The following NSD2 variants were observed in gnomAD, a reference collection of about 807,000 sequenced individuals.
The protein encoded by NSD2 is nuclear receptor binding SET domain protein 2, also known as histone-lysine N-methyltransferase NSD2.
Under a neutral mutation model 139.0 loss-of-function variants are expected in NSD2, and 12 were observed. The ratio of observed to expected loss-of-function variants is 0.09; its 90% CI spans 0.06 to 0.14. The LOEUF is 0.14. NSD2 is among the 10% of genes least tolerant of loss of function. The pLI is 1.00. For missense variants in NSD2, 1,155 were observed against 1,745.0 expected (o/e 0.66, Z 6.02); for synonymous variants, 669 against 648.7 (o/e 1.03, Z -0.48).
chr4:1,898,658 T>TAAAAA (rs967880779), intron 1 of NSD2, among the ~76,000 whole-genome samples: 3 of 119,288 alleles, frequency 2.5e-5, no homozygotes, highest in South Asian at 2.6e-4. Flanking sequence ...AGACTCCGTC[T>TAAAAA]AAAAAAAAAA....
chr4:1,945,468 T>G, intron 9 of NSD2: 1 of 1,063,540 alleles, frequency 9.4e-7, no homozygotes, highest in Non-Finnish European at 1.1e-6. Flanking sequence ...AAAAGAAAAC[T>G]AAGATTATAA....
In NSD2 at chr4:1,978,802, G is replaced by T; in HGVS notation, c.3991G>T (p.Ala1331Ser). 1 of 1,612,378 alleles carries T rather than the reference G, an allele frequency of 6.2e-7. No individual in the cohort carries two copies. Among genetic ancestry groups the T allele is most frequent in the Non-Finnish European group, 8.5e-7 (1 of 1,178,782 alleles). Residue 1331 changes from alanine (A) to serine (S), a missense_variant, in exon 22 of 22, where the codon GCA (alanine) becomes TCA (serine). Transcript: ENST00000508803. ...SYCCEHDLGA[A>S]SVRSTKTEKP... ...CTGCTGTGAGCATGACTTAGGGGCG[G>T]CATCGGTCAGAAGCACCAAGACTGA...
chr4:1,921,884 C>T (rs1720188576), intron 5 of NSD2, among the ~76,000 whole-genome samples: 1 of 151,792 alleles, frequency 6.6e-6, no homozygotes, highest in Non-Finnish European at 1.5e-5. Flanking sequence ...CGCGGTGGCT[C>T]ACGCCTGTAA....
intron 6 of NSD2, among the ~76,000 whole-genome samples, chr4:1,931,687 A>T (rs1005740093): frequency 1.3e-5 from 2 of 152,238 alleles, no homozygotes; most frequent in East Asian, 3.9e-4. Flanking sequence ...AGATGTTTTC[A>T]TCTTGATTTA....
At position 1,974,595 on chromosome 4, in the gene NSD2, G is replaced by A. The variant is rs762964466; in HGVS notation, c.3373-268G>A. On this transcript the variant is annotated intron_variant, in intron 18 of 21. Coordinates refer to ENST00000508803, the MANE Select transcript of NSD2 (RefSeq NM_001042424.3). This position sits in a 1 kb window ranked among gnomAD's most constrained non-coding sequence, Gnocchi z 4.0. Reference sequence around the variant, plus strand: ...CTTAGCTCCCTTGTTTGCCATCATGGAGGATGCTGGGAGCTCCAGCTCCCT... The same window carrying A: ...CTTAGCTCCCTTGTTTGCCATCATGAAGGATGCTGGGAGCTCCAGCTCCCT... 13 of 586,848 alleles carry A rather than the reference G, an allele frequency of 2.2e-5. No individual in the cohort carries two copies. In the Admixed American group the frequency reaches 2.7e-4, roughly 12 times the overall value. The allele number at this position is 586,848 out of a possible 1,614,324, so 36.4% of individuals were successfully genotyped here.
At position 1,961,073 on chromosome 4, in the gene NSD2, C is replaced by T. The variant is rs1172121091; in HGVS notation, c.3294C>T (p.Asp1098=). The change falls in exon 18 of 22, where the codon GAC becomes GAT. Residue 1098 remains aspartate, a synonymous_variant. Transcript: ENST00000508803. ...FVNEYVGELI[D]EEECMARIKH... ...ACGAGTACGTTGGGGAGCTGATCGA[C>T]GAGGAGGAGTGCATGGCGAGAATCA... The T allele has an allele frequency of 4.3e-6, 7 of 1,613,612 alleles. No individual in the cohort carries two copies. In the East Asian group the frequency reaches 6.7e-5, roughly 15 times the overall value.
At chr4:1,940,721 T>C in intron 9 of NSD2, 3 of 1,061,066 alleles carry the variant, frequency 2.8e-6, no homozygotes, top group South Asian at 9.1e-5. Flanking sequence ...CCCTTACTCT[T>C]GCTGAGTCAG....
chr4:1,953,631 A>T (rs1050560958), intron 12 of NSD2, 107 bp downstream of exon 12: 1 of 1,379,738 alleles, frequency 7.2e-7, no homozygotes, highest in African/African-American at 1.4e-5. Context: ...AAAGAGCATT[A>T]ATTATCTTGA....
At chr4:1,952,914 C>T (rs902968187) in intron 11 of NSD2, 2 of 1,402,888 alleles carry the variant, frequency 1.4e-6, no homozygotes, top group Admixed American at 6.0e-5. Context: ...CCATGGCAGC[C>T]CCACAGCAGC....
chr4:1,903,079 G>GA (rs1208546448), intron 2 of NSD2, among the ~76,000 whole-genome samples: 1 of 152,158 alleles, frequency 6.6e-6, no homozygotes, highest in African/African-American at 2.4e-5. Context: ...GCTGAGATGG[G>GA]AGGATCAAAA....
intron 1 of NSD2, among the ~76,000 whole-genome samples, chr4:1,894,787 G>T (rs1175600576): frequency 3.3e-5 from 5 of 152,040 alleles, no homozygotes; most frequent in Admixed American, 2.6e-4. Flanking sequence ...GATTTTTGGG[G>T]GTATACGTAA....
chr4:1,901,567 G>C (rs968354438), intron 2 of NSD2, among the ~76,000 whole-genome samples: 1 of 152,228 alleles, frequency 6.6e-6, no homozygotes, highest in African/African-American at 2.4e-5. Context: ...CAGAGCCCTT[G>C]CTTGACAACG....
intron 18 of NSD2, among the ~76,000 whole-genome samples, chr4:1,965,731 C>A (rs1010745934): frequency 2.0e-5 from 3 of 152,138 alleles, no homozygotes; most frequent in African/African-American, 7.2e-5. Flanking sequence ...AAGAAACTTA[C>A]CATCACGGTG....
rs1415877112 is a variant in NSD2 at position 1,945,052 on chromosome 4, C to CG, written c.1881+5279dup. The CG allele has an allele frequency of 4.7e-6, 5 of 1,065,916 alleles. No individual in the cohort carries two copies. The African/African-American group carries it at 6.6e-5, about 14-fold the overall frequency. 66.0% of individuals were successfully genotyped at this position (1,065,916 alleles called of 1,614,324 possible). ...ATGTGCAGAGTCCTTGGACAGGAGT[C>CG]GGGGGCTCCTCTGTCCCACTGCTGC... On this transcript the variant is annotated intron_variant, in intron 9 of 21. Coordinates refer to ENST00000508803, the MANE Select transcript of NSD2 (RefSeq NM_001042424.3).
rs146963815 is a variant in NSD2 at position 1,943,316 on chromosome 4, A to G, written c.1881+3538A>G. 1,103 of 1,043,576 alleles carry G rather than the reference A, an allele frequency of 1.1e-3. 5 individuals are homozygous for G. The African/African-American group carries it at 0.017, about 16-fold the overall frequency. The allele number at this position is 1,043,576 out of a possible 1,614,324, so 64.6% of individuals were successfully genotyped here. A position where few individuals can be genotyped will look rare whatever the true frequency, so the allele number is the denominator to read the frequency against. ...TCTTTAATGAACGTTTCTGACTAAT[A>G]TTTTGTTGTAAACCATTAAGTAATG... On this transcript the variant is annotated intron_variant, in intron 9 of 21. Coordinates refer to ENST00000508803, the MANE Select transcript of NSD2 (RefSeq NM_001042424.3).
At chr4:1,936,591 C>T (rs1359299966) in intron 7 of NSD2, among the ~76,000 whole-genome samples, 1 of 149,334 alleles carries the variant, frequency 6.7e-6, no homozygotes, top group Non-Finnish European at 1.5e-5. Context: ...TCACTTGAAC[C>T]TGGGAGGCGG....
intron 2 of NSD2, among the ~76,000 whole-genome samples, chr4:1,903,924 C>T (rs572118572): frequency 3.5e-4 from 53 of 152,180 alleles, no homozygotes; most frequent in Middle Eastern, 6.8e-3. Context: ...TTAGTAGAGA[C>T]AGGGTTTCAT....
chr4:1,899,866 G>A (rs902057738), intron 1 of NSD2, among the ~76,000 whole-genome samples: 3 of 152,200 alleles, frequency 2.0e-5, no homozygotes, highest in Non-Finnish European at 4.4e-5. Context: ...TAATCTTCAG[G>A]TAGTAGCTAA....
At chr4:1,930,889 G>A in intron 6 of NSD2, 119 bp downstream of exon 6, 2 of 1,349,518 alleles carry the variant, frequency 1.5e-6, no homozygotes, top group South Asian at 3.3e-5. Flanking sequence ...CTGACCCGTG[G>A]GGTTTGGGCC....
Sources: allele counts gnomAD v4.1 joint callset (sites outside exome capture counted in the v4.1 genomes callset), GRCh38; gene constraint gnomAD v4.1.1; non-coding constraint Gnocchi (gnomAD v3.1); transcripts MANE v1.5; gene names NCBI Gene and HGNC (gene_info 2026-07-23, HGNC 2026-07-21).